Variants in AP1G1 observed in about 807,000 individuals in gnomAD.
AP1G1 encodes adaptor related protein complex 1 subunit gamma 1.
A neutral mutation model predicts 108.3 loss-of-function variants in AP1G1; 7 were observed. That is an observed-to-expected ratio of 0.06 (90% CI 0.04 to 0.12). The LOEUF is 0.12. Among genes scored for constraint, AP1G1 ranks in the 10% least tolerant of loss-of-function variants. The pLI, the probability that AP1G1 is intolerant of heterozygous loss-of-function variation, is 1.00. For synonymous variants in AP1G1, 379 were observed against 353.5 expected (o/e 1.07, Z -0.81); for missense variants, 756 against 1,010.7 (o/e 0.75, Z 3.42).
At chr16:71,749,609 G>C (rs976467044) in intron 15 of AP1G1, among the ~76,000 whole-genome samples, 3 of 151,992 alleles carry the variant, frequency 2.0e-5, no homozygotes, top group Non-Finnish European at 2.9e-5. Flanking sequence ...TTTTGAGACA[G>C]GGTCTCACTC....
chr16:71,775,335 C>T (rs77496526), intron 2 of AP1G1, among the ~76,000 whole-genome samples: 13,390 of 152,094 alleles, frequency 0.088, 626 homozygotes, highest in Middle Eastern at 0.11. Context: ...CCCGGCCAAA[C>T]TACCTAAATC....
intron 1 of AP1G1, chr16:71,807,864 A>T (rs1486660390): frequency 7.8e-7 from 1 of 1,288,434 alleles, no homozygotes; most frequent in Admixed American, 2.3e-5. Context: ...TAGGGGAGAA[A>T]AAAAAATACC....
intron 1 of AP1G1, among the ~76,000 whole-genome samples, chr16:71,807,649 A>G (rs1252193685): frequency 1.3e-5 from 2 of 152,240 alleles, no homozygotes; most frequent in Non-Finnish European, 2.9e-5. Context: ...GAAAAACCCA[A>G]TACATGAAAT....
intron 1 of AP1G1, chr16:71,808,411 G>GGGGGT (rs1294038512): frequency 1.5e-5 from 16 of 1,097,064 alleles, no homozygotes; most frequent in Admixed American, 7.3e-5. Context: ...GAAGACACGC[G>GGGGGT]GGGGTGGGGC....
intron 13 of AP1G1, 56 bp downstream of exon 13, chr16:71,753,774 CATG>C (rs2030628177): frequency 4.1e-6 from 6 of 1,464,152 alleles, no homozygotes; most frequent in Admixed American, 1.7e-5. Context: ...ACATAAACTT[CATG>C]ATAACATCAG....
chr16:71,777,797 C>A, intron 2 of AP1G1: 2 of 412,152 alleles, frequency 4.9e-6, no homozygotes, highest in Non-Finnish European at 1.0e-5. Context: ...GTCCTTGGTG[C>A]CCAACTCAGC....
intron 6 of AP1G1, among the ~76,000 whole-genome samples, chr16:71,767,319 G>A: frequency 6.6e-6 from 1 of 152,170 alleles, no homozygotes; most frequent in East Asian, 1.9e-4. Flanking sequence ...AGATGACACA[G>A]GGAAAGGCTG....
intron 1 of AP1G1, among the ~76,000 whole-genome samples, chr16:71,803,687 G>A (rs1044640523): frequency 3.3e-5 from 5 of 152,244 alleles, no homozygotes; most frequent in African/African-American, 1.2e-4. Flanking sequence ...CACTTTGGGA[G>A]GCCAAGGCTG....
intron 2 of AP1G1, among the ~76,000 whole-genome samples, chr16:71,784,095 T>C (rs2032117504): frequency 6.6e-6 from 1 of 152,224 alleles, no homozygotes; most frequent in African/African-American, 2.4e-5. Flanking sequence ...AAAAGGTCCA[T>C]ATAAAAAATC....
chr16:71,744,827 C>T (rs528679679), intron 19 of AP1G1, among the ~76,000 whole-genome samples: 2 of 152,246 alleles, frequency 1.3e-5, no homozygotes, highest in African/African-American at 4.8e-5. Flanking sequence ...CCACCTGCCT[C>T]TGCCTCCCAA....
At chr16:71,785,302 T>A (rs1351565894) in intron 2 of AP1G1, among the ~76,000 whole-genome samples, 2 of 151,696 alleles carry the variant, frequency 1.3e-5, no homozygotes, top group African/African-American at 4.8e-5. Context: ...CTAGGCTGGG[T>A]GTGGTGGCTC....
At chr16:71,774,663 A>C in intron 2 of AP1G1, 71 bp from the exon 3 acceptor site, 1 of 1,479,924 alleles carries the variant, frequency 6.8e-7, no homozygotes, top group South Asian at 1.4e-5. Context: ...CAGTGTTTTT[A>C]ACCCAGAGTC....
chr16:71,765,456 TAA>T, intron 7 of AP1G1, 31 bp downstream of exon 7: 1 of 1,473,128 alleles, frequency 6.8e-7, no homozygotes, highest in Non-Finnish European at 9.5e-7. Flanking sequence ...TAAATTCATA[TAA>T]CATTTATTTA....
intron 10 of AP1G1, among the ~76,000 whole-genome samples, chr16:71,761,120 T>A (rs1025676685): frequency 6.6e-6 from 1 of 152,186 alleles, no homozygotes; most frequent in Non-Finnish European, 1.5e-5. Flanking sequence ...ATTTTTTTCA[T>A]ACTAGCTCCC....
chr16:71,807,355 C>T (rs1249126521), intron 1 of AP1G1, among the ~76,000 whole-genome samples: 1 of 152,166 alleles, frequency 6.6e-6, no homozygotes, highest in African/African-American at 2.4e-5. Flanking sequence ...CTGCTTGAAC[C>T]CGGGAGGCGT....
At chr16:71,744,958 A>T (rs2030094114) in intron 19 of AP1G1, among the ~76,000 whole-genome samples, 186 bp downstream of exon 19, 1 of 152,202 alleles carries the variant, frequency 6.6e-6, no homozygotes, top group African/African-American at 2.4e-5. Flanking sequence ...AATCCGTATA[A>T]ATTATCTTTA....
chr16:71,780,932 C>G (rs1279681440), intron 2 of AP1G1, among the ~76,000 whole-genome samples: 3 of 152,090 alleles, frequency 2.0e-5, no homozygotes, highest in African/African-American at 7.2e-5. Context: ...ATCCGCCTGC[C>G]TCAGCTTCCT....
At chr16:71,747,399 T>C (rs187982138) in intron 16 of AP1G1, 15 of 152,164 alleles carry the variant, frequency 9.9e-5, no homozygotes, top group African/African-American at 3.4e-4. Context: ...GCCAAAATGG[T>C]GAAACCCCAT....
chr16:71,773,473 T>C (rs963426761), intron 3 of AP1G1, 111 bp from the exon 4 acceptor site: 28 of 1,081,394 alleles, frequency 2.6e-5, no homozygotes, highest in African/African-American at 3.3e-5. Context: ...ACAAAAACAA[T>C]AGGATTATTT....
Sources: allele counts gnomAD v4.1 joint callset (sites outside exome capture counted in the v4.1 genomes callset), GRCh38; gene constraint gnomAD v4.1.1; transcripts MANE v1.5; gene names NCBI Gene and HGNC (gene_info 2026-07-23, HGNC 2026-07-21).